The following MYPN variants were observed in gnomAD, a reference collection of about 807,000 sequenced individuals.
The protein encoded by MYPN is myopalladin.
Under a neutral mutation model 129.4 loss-of-function variants are expected in MYPN, and 63 were observed. The ratio of observed to expected loss-of-function variants is 0.49; its 90% CI spans 0.40 to 0.60. The LOEUF is 0.60. Ranked by LOEUF, MYPN falls within the 20% of genes least tolerant of loss-of-function variation. The pLI, the probability that MYPN is intolerant of heterozygous loss-of-function variation, is 0.00. For missense variants in MYPN, 1,596 were observed against 1,635.4 expected (o/e 0.98, Z 0.42); for synonymous variants, 629 against 600.9 (o/e 1.05, Z -0.68).
intron 10 of MYPN, among the ~76,000 whole-genome samples, chr10:68,171,943 T>C (rs74143038): frequency 9.8e-4 from 149 of 152,344 alleles, no homozygotes; most frequent in African/African-American, 3.4e-3. Context: ...TCAAAAGTAC[T>C]TGATACAGTA....
At chr10:68,148,279 A>G (rs1440105508) in intron 4 of MYPN, 74 bp from the exon 5 acceptor site, 3 of 1,177,858 alleles carry the variant, frequency 2.5e-6, no homozygotes, top group Non-Finnish European at 3.8e-6. Flanking sequence ...TGATGCCATT[A>G]CTAGTTTTCC....
intron 2 of MYPN, among the ~76,000 whole-genome samples, chr10:68,126,933 C>T (rs1237940415): frequency 1.3e-5 from 2 of 152,146 alleles, no homozygotes; most frequent in Non-Finnish European, 2.9e-5. Context: ...ACAAAGGAAC[C>T]GTAAACACAA....
intron 1 of MYPN, among the ~76,000 whole-genome samples, chr10:68,112,684 A>G (rs1820660037): frequency 6.6e-6 from 1 of 152,182 alleles, no homozygotes; most frequent in African/African-American, 2.4e-5. Context: ...AATGTGTCTT[A>G]TATGATTTCC....
intron 1 of MYPN, among the ~76,000 whole-genome samples, chr10:68,099,227 A>AGC (rs2041971116): frequency 1.3e-5 from 2 of 152,162 alleles, no homozygotes; most frequent in African/African-American, 4.8e-5. Context: ...TAATAATGTC[A>AGC]ACTTGAAAAT....
In MYPN at chr10:68,211,817, C is replaced by G. The variant is rs112100404; in HGVS notation, c.*1362C>G. The G allele has an allele frequency of 6.2e-3, 2,836 of 454,098 alleles. 67 individuals are homozygous for G. Among genetic ancestry groups the G allele is most frequent in the African/African-American group, 0.051 (2,570 of 50,116 alleles). 28.1% of individuals were successfully genotyped at this position (454,098 alleles called of 1,614,324 possible). On this transcript the variant is annotated 3_prime_UTR_variant, in exon 20 of 20. Transcript: ENST00000358913. ...GGAATGCTCATCACAGCACAGTTTG[C>G]TCTAGGCTGTGCAGGGAAATGAATT...
chr10:68,111,050 T>C (rs976274441), intron 1 of MYPN, among the ~76,000 whole-genome samples: 1 of 152,172 alleles, frequency 6.6e-6, no homozygotes, highest in African/African-American at 2.4e-5. Flanking sequence ...CTTCCATATA[T>C]CTACAATTTA....
At position 68,182,364 on chromosome 10, in the gene MYPN, T is replaced by C. The variant is rs183458040; in HGVS notation, c.2704-6541T>C. 1.5e-4 allele frequency among the ~76,000 whole-genome samples: 18 copies of C among 119,766 alleles called. 1 individual carries two copies. The highest frequency in any genetic ancestry group is 4.6e-4 in the East Asian group (2 of 4,330). 78.6% of individuals were successfully genotyped at this position (119,766 alleles called of 152,430 possible). A position where few individuals can be genotyped will look rare whatever the true frequency, so the allele number is the denominator to read the frequency against. Reference sequence around the variant, plus strand: ...ACATATATAACATATATATAACACATATATATAACATATATAACACATATA... The same window carrying C: ...ACATATATAACATATATATAACACACATATATAACATATATAACACATATA... On this transcript the variant is annotated intron_variant, in intron 12 of 19. Coordinates refer to ENST00000358913, the MANE Select transcript of MYPN (RefSeq NM_032578.4).
At chr10:68,183,456 T>C (rs1338813062) in intron 12 of MYPN, among the ~76,000 whole-genome samples, 1 of 150,584 alleles carries the variant, frequency 6.6e-6, no homozygotes, top group Non-Finnish European at 1.5e-5. Flanking sequence ...AGCCAGACCT[T>C]GTCTCAAAAA....
chr10:68,185,388 C>T (rs1255237061), intron 12 of MYPN, among the ~76,000 whole-genome samples: 3 of 152,096 alleles, frequency 2.0e-5, no homozygotes, highest in Non-Finnish European at 4.4e-5. Flanking sequence ...TTATGATTTA[C>T]CCATAGCAAG....
intron 2 of MYPN, among the ~76,000 whole-genome samples, chr10:68,128,529 T>A (rs1285469155): frequency 6.6e-6 from 1 of 152,166 alleles, no homozygotes; most frequent in Non-Finnish European, 1.5e-5. Context: ...AAATATTAAG[T>A]GCCTATTTAT....
intron 12 of MYPN, among the ~76,000 whole-genome samples, chr10:68,180,561 T>G (rs779995937): frequency 3.3e-5 from 5 of 152,228 alleles, no homozygotes; most frequent in Admixed American, 6.5e-5. Flanking sequence ...AGGAGAACAC[T>G]TTCTCTAACA....
chr10:68,184,391 C>T (rs1003610924), intron 12 of MYPN, among the ~76,000 whole-genome samples: 10 of 152,012 alleles, frequency 6.6e-5, no homozygotes, highest in Admixed American at 1.3e-4. Flanking sequence ...AGAGTAAACA[C>T]GAGGAGTCCA....
intron 1 of MYPN, among the ~76,000 whole-genome samples, chr10:68,111,148 T>C (rs1389499632): frequency 1.3e-5 from 2 of 152,226 alleles, no homozygotes; most frequent in African/African-American, 4.8e-5. Context: ...AGAAGTTGAA[T>C]GAGTTTTTGT....
upstream of MYPN, among the ~76,000 whole-genome samples, chr10:68,107,341 C>CTTTTTTTT (rs1217100514): frequency 1.8e-5 from 2 of 113,448 alleles, no homozygotes; most frequent in Non-Finnish European, 3.5e-5. Flanking sequence ...CTTCTCTTTT[C>CTTTTTTTT]TTTTTTTTTT....
At chr10:68,112,476 G>A (rs2042095783) in intron 1 of MYPN, among the ~76,000 whole-genome samples, 1 of 151,968 alleles carries the variant, frequency 6.6e-6, no homozygotes, top group South Asian at 2.1e-4. Context: ...ATAAGAAAAT[G>A]GCCTACTCAC....
intron 12 of MYPN, among the ~76,000 whole-genome samples, chr10:68,182,471 T>TACACACACAC (rs71009019): frequency 4.8e-4 from 50 of 104,640 alleles, no homozygotes; most frequent in African/African-American, 1.6e-3. Context: ...ATAACATATA[T>TACACACACAC]ACACACACAC....
chr10:68,110,040 T>G (rs867568901), intron 1 of MYPN, among the ~76,000 whole-genome samples: 1 of 152,248 alleles, frequency 6.6e-6, no homozygotes, highest in Non-Finnish European at 1.5e-5. Context: ...AGAATGTTGT[T>G]TATATAGAGA....
Position 68,148,453 on chromosome 10 carries a change from G to A in MYPN, c.1231G>A (p.Ala411Thr), listed in dbSNP as rs781319558. The part of the protein sequence containing the change: ...AQHLVAQPRV[A>T]TIQQCQSPTN... ...GCATTTGGTGGCCCAACCTCGTGTGGCAACCATCCAGCAGGTACAAGAATC... is the reference window on the plus strand; with the variant it reads ...GCATTTGGTGGCCCAACCTCGTGTGACAACCATCCAGCAGGTACAAGAATC... The change falls in exon 5 of 20, where the codon GCA becomes ACA. Residue 411 changes from alanine (A) to threonine (T), a missense_variant. By Grantham distance (58) the Ala-to-Thr change is moderately conservative (BLOSUM62 0). Coordinates refer to ENST00000358913, the MANE Select transcript of MYPN (RefSeq NM_032578.4). The A allele has an allele frequency of 3.1e-6, 5 of 1,613,846 alleles. No individual in the cohort carries two copies. The African/African-American group carries it at 6.7e-5, about 22-fold the overall frequency.
In MYPN at chr10:68,194,535, T is replaced by C. The variant is rs71584498; in HGVS notation, c.3075+23T>C. The C allele has an allele frequency of 8.7e-6, 14 of 1,612,000 alleles. No individual in the cohort carries two copies. In the African/African-American group the frequency reaches 1.5e-4, roughly 17 times the overall value. On this transcript the variant is annotated intron_variant, in intron 14 of 19. Coordinates refer to ENST00000358913, the MANE Select transcript of MYPN (RefSeq NM_032578.4). ...CAGGTGGAGACGCAGGGTTCTGCGC[T>C]GTGCTGCACTCTGAGGAAGGAGCGG... is the stretch of plus-strand genomic sequence containing the variant.
Sources: gnomAD v4.1 joint callset for allele counts (sites outside exome capture counted in the v4.1 genomes callset) on GRCh38, gnomAD v4.1.1 for gene constraint, MANE v1.5 for transcripts, NCBI Gene and HGNC (gene_info 2026-07-23, HGNC 2026-07-21) for gene names.